FARP1: variants seen among roughly 807,000 people sequenced by gnomAD.
The protein encoded by FARP1 is FERM, ARH/RhoGEF and pleckstrin domain protein 1.
In FARP1, 52 loss-of-function variants were observed where a neutral mutation model predicts 128.8. That is an observed-to-expected ratio of 0.40 (90% CI 0.32 to 0.51). The LOEUF (loss-of-function observed/expected upper bound fraction) is 0.51, where lower values mean the gene tolerates loss of function less well. FARP1 is among the 20% of genes least tolerant of loss of function. FARP1 has a pLI of 0.45. For missense variants in FARP1, 1,333 were observed against 1,367.9 expected, an observed-to-expected ratio of 0.97 and a Z score of 0.40; for synonymous variants, 580 against 551.8, an observed-to-expected ratio of 1.05 and a Z score of -0.72.
chr13:98,438,409 C>T (rs1892378488), intron 19 of FARP1, among the ~76,000 whole-genome samples: 1 of 152,062 alleles, frequency 6.6e-6, no homozygotes, highest in Non-Finnish European at 1.5e-5. Context: ...CGTGGGGAGC[C>T]CTGGGGATCC....
intron 2 of FARP1, among the ~76,000 whole-genome samples, chr13:98,216,105 A>G (rs760503901): frequency 6.6e-6 from 1 of 152,082 alleles, no homozygotes; most frequent in Non-Finnish European, 1.5e-5. Context: ...TAATTTTTCT[A>G]GTTTGGTCAG....
chr13:98,409,502 G>A lies in FARP1; in HGVS notation c.1579G>A (p.Asp527Asn), dbSNP rs756586623. Residue 527 changes from aspartate to asparagine, a missense_variant, in exon 14 of 27, where the codon GAT becomes AAT. Physicochemically the swap from Asp to Asn is conservative, Grantham distance 23. Around this residue, in one of 2 missense-constraint regions of FARP1, gnomAD observed 1,009 missense variants for 969.8 expected, o/e 1.04. Coordinates refer to ENST00000319562, the MANE Select transcript of FARP1 (RefSeq NM_005766.4). Reference sequence around the variant, plus strand: ...TGACCAGGCCTGCCCCCGGACGGACGATGAGGATGAGGGCCGGAGGAAGGT... The same window carrying A: ...TGACCAGGCCTGCCCCCGGACGGACAATGAGGATGAGGGCCGGAGGAAGGT... ...LNDQACPRTD[D>N]EDEGRRKRFP... 1.2e-6 allele frequency: 2 copies of A among 1,612,356 alleles called. No homozygotes were observed. Among genetic ancestry groups the A allele is most frequent in the East Asian group, 2.2e-5 (1 of 44,812 alleles).
chr13:98,446,104 T>C lies in FARP1; in HGVS notation c.2803T>C (p.Leu935=). ...VDFSIAVENQ[L]SGNLLRKFKN... is the part of the protein sequence containing the mutation. Reference sequence around the variant, plus strand: ...AGGCCTCCTTGCCTTTCAGAATCAGTTGTCTGGAAACCTGCTGAGGAAATT... The same window carrying C: ...AGGCCTCCTTGCCTTTCAGAATCAGCTGTCTGGAAACCTGCTGAGGAAATT... Residue 935 remains leucine, a synonymous_variant, in exon 25 of 27, where the codon TTG becomes CTG. Coordinates refer to ENST00000319562, the MANE Select transcript of FARP1 (RefSeq NM_005766.4). The C allele has an allele frequency of 1.2e-6, 2 of 1,612,712 alleles. No individual in the cohort carries two copies. Among genetic ancestry groups the C allele is most frequent in the Non-Finnish European group, 1.7e-6 (2 of 1,178,746 alleles).
chr13:98,275,508 G>A (rs1443693533), intron 2 of FARP1, among the ~76,000 whole-genome samples: 1 of 151,688 alleles, frequency 6.6e-6, no homozygotes, highest in Non-Finnish European at 1.5e-5. Context: ...AGGTTTAATT[G>A]TGTTTTCCTA....
chr13:98,362,575 A>G (rs1433512799), intron 3 of FARP1, among the ~76,000 whole-genome samples: 1 of 152,188 alleles, frequency 6.6e-6, no homozygotes, highest in Non-Finnish European at 1.5e-5. Flanking sequence ...ATATTGGCCA[A>G]CGCTCATGCA....
Position 98,417,455 on chromosome 13 carries a change from G to GGGAAAAAAAAAAA in FARP1, c.1826+5421_1826+5422insGGAAAAAAAAAAA, listed in dbSNP as rs1491453247. ...AGGAAACAGAGGCCACCAGAGGTTT[G>GGGAAAAAAAAAAA]AAAAAAAAAAAAAAAAAAAAAAAAA... On this transcript the variant is annotated intron_variant, in intron 16 of 26. Transcript: ENST00000319562. Among the ~76,000 whole-genome samples, 231 of 58,476 alleles carry GGGAAAAAAAAAAA rather than the reference G, an allele frequency of 4.0e-3. 17 individuals are homozygous for GGGAAAAAAAAAAA. The highest frequency in any genetic ancestry group is 0.011 in the African/African-American group (198 of 17,464). 38.4% of individuals were successfully genotyped at this position (58,476 alleles called of 152,430 possible).
At chr13:98,293,937 G>A (rs1434616641) in intron 2 of FARP1, among the ~76,000 whole-genome samples, 1 of 152,140 alleles carries the variant, frequency 6.6e-6, no homozygotes, top group African/African-American at 2.4e-5. Flanking sequence ...TTTTGGGATT[G>A]TAAGGCAAAT....
At chr13:98,430,281 C>A (rs1045943462) in intron 17 of FARP1, among the ~76,000 whole-genome samples, 2 of 152,116 alleles carry the variant, frequency 1.3e-5, no homozygotes, top group Admixed American at 6.5e-5. Context: ...TTGGGAGTTA[C>A]CAGCACATAG....
intron 2 of FARP1, among the ~76,000 whole-genome samples, chr13:98,309,189 C>T (rs1489330384): frequency 5.5e-5 from 5 of 91,684 alleles, no homozygotes; most frequent in East Asian, 7.0e-4. Flanking sequence ...TTTTTGGAGA[C>T]GGAGTCTCGC....
At chr13:98,326,306 T>A (rs1381966638) in intron 2 of FARP1, among the ~76,000 whole-genome samples, 2 of 152,234 alleles carry the variant, frequency 1.3e-5, no homozygotes, top group South Asian at 2.1e-4. Context: ...TTTTCTTGTT[T>A]TAGTTAAAAA....
At chr13:98,214,544 G>A (rs562448194) in intron 2 of FARP1, among the ~76,000 whole-genome samples, 3 of 152,246 alleles carry the variant, frequency 2.0e-5, no homozygotes, top group Middle Eastern at 3.4e-3. Flanking sequence ...CGGCATTAAC[G>A]TTGGTAACCC....
Position 98,424,567 on chromosome 13 carries a change from C to A in FARP1, c.1827-5C>A, listed in dbSNP as rs774968925. On this transcript the variant is annotated splice_region_variant and splice_polypyrimidine_tract_variant and intron_variant, in intron 16 of 26. Coordinates refer to ENST00000319562, the MANE Select transcript of FARP1 (RefSeq NM_005766.4). ...GTATTTCCAACCCTTTGCTTTTGCT[C>A]TCAGGGAAGGCCGCTCAAATGCCCA... The A allele has an allele frequency of 6.2e-7, 1 of 1,607,840 alleles. No individual in the cohort carries two copies. Among genetic ancestry groups the A allele is most frequent in the East Asian group, 2.2e-5 (1 of 44,840 alleles).
chr13:98,440,751 C>T lies in FARP1; in HGVS notation c.2711C>T (p.Ala904Val). The T allele has an allele frequency of 6.2e-7, 1 of 1,613,342 alleles. No homozygotes were observed. Among genetic ancestry groups the T allele is most frequent in the South Asian group, 1.1e-5 (1 of 91,082 alleles). ...SASRTSLERQAPHRGNTMVHV... is the reference protein window; with the variant it reads ...SASRTSLERQVPHRGNTMVHV... The stretch of plus-strand genomic sequence containing the variant: ...TCGCGCACATCGCTGGAGCGCCAGG[C>T]CCCGCACCGCGGCAACACAATGGTG... The change falls in exon 24 of 27, where the codon GCC becomes GTC. Residue 904 changes from alanine to valine, a missense_variant. Around this residue, in one of 2 missense-constraint regions of FARP1, gnomAD observed 1,009 missense variants for 969.8 expected, o/e 1.04. Transcript: ENST00000319562.
At chr13:98,308,029 CTCTCTTTTTTTTTTTTTTT>C (rs71111940) in intron 2 of FARP1, among the ~76,000 whole-genome samples, 66,397 of 114,736 alleles carry the variant, frequency 0.58, 20,479 homozygotes, top group East Asian at 0.95. Context: ...CCCCCACTCT[CTCTCTTTTTTTTTTTTTTT>C]TTTTTTTTTT....
At chr13:98,153,918 G>A (rs1316631525) in intron 1 of FARP1, among the ~76,000 whole-genome samples, 1 of 152,096 alleles carries the variant, frequency 6.6e-6, no homozygotes. Flanking sequence ...CAGGATATGG[G>A]ACATTTCTGT....
At chr13:98,360,696 G>A (rs981683453) in intron 3 of FARP1, among the ~76,000 whole-genome samples, 1 of 152,218 alleles carries the variant, frequency 6.6e-6, no homozygotes, top group African/African-American at 2.4e-5. Flanking sequence ...TTCAAACCCT[G>A]GCAGAGGCGC....
At chr13:98,209,922 C>T (rs1473226695) in intron 1 of FARP1, among the ~76,000 whole-genome samples, 10 of 150,514 alleles carry the variant, frequency 6.6e-5, no homozygotes, top group African/African-American at 1.9e-4. Flanking sequence ...GTGGAGGTTG[C>T]AGTGAGCCGA....
At chr13:98,324,046 T>C (rs1431590699) in intron 2 of FARP1, among the ~76,000 whole-genome samples, 1 of 152,250 alleles carries the variant, frequency 6.6e-6, no homozygotes, top group Non-Finnish European at 1.5e-5. Context: ...ATTACTTGAT[T>C]AATATATTAA....
intron 2 of FARP1, chr13:98,334,114 GAGGCACAAGAAGT>G: frequency 6.6e-6 from 1 of 152,236 alleles, no homozygotes; most frequent in East Asian, 1.9e-4. Flanking sequence ...AGAGGAAACT[GAGGCACAAGAAGT>G]AGCTTGCCTC....
Sources: gnomAD v4.1 joint callset for allele counts (sites outside exome capture counted in the v4.1 genomes callset) on GRCh38, gnomAD v4.1.1 for gene constraint, gnomAD v4.1.1 regional missense constraint, MANE v1.5 for transcripts, NCBI Gene and HGNC (gene_info 2026-07-23, HGNC 2026-07-21) for gene names.